Variants in SCAI observed in about 807,000 individuals in gnomAD.
SCAI encodes protein SCAI.
A neutral mutation model predicts 92.2 loss-of-function variants in SCAI; 24 were observed. The observed-to-expected ratio is 0.26, with a 90% confidence interval of 0.19 to 0.37. The LOEUF is 0.37. Among genes scored for constraint, SCAI ranks in the 10% least tolerant of loss-of-function variants. The probability of loss-of-function intolerance (pLI) is 1.00; values close to 1 mark genes in which losing one functional copy is unlikely to be tolerated. For missense variants in SCAI, 450 were observed against 736.2 expected, an observed-to-expected ratio of 0.61 and a Z score of 4.50; for synonymous variants, 261 against 258.6, an observed-to-expected ratio of 1.01 and a Z score of -0.09.
chr9:125,104,026 T>A (rs557099740), intron 2 of SCAI, among the ~76,000 whole-genome samples: 39 of 152,316 alleles, frequency 2.6e-4, no homozygotes, highest in African/African-American at 8.9e-4. Flanking sequence ...ATATCTAATT[T>A]TATGCTCCAT....
chr9:125,000,101 T>C, intron 12 of SCAI, 111 bp from the exon 13 acceptor site: 1 of 514,084 alleles, frequency 1.9e-6, no homozygotes, highest in Admixed American at 3.4e-5. Context: ...CGAAGATAAT[T>C]ACACATTTAA....
intron 2 of SCAI, among the ~76,000 whole-genome samples, chr9:125,090,329 C>T (rs535546698): frequency 1.3e-5 from 2 of 150,316 alleles, no homozygotes; most frequent in East Asian, 1.9e-4. Context: ...GAGAGGAAAA[C>T]GAGGGAGGAT....
rs1834109538 is a variant in SCAI at position 125,077,290 on chromosome 9, G to A, written c.99-21283C>T. 2.0e-5 allele frequency among the ~76,000 whole-genome samples: 3 copies of A among 152,282 alleles called. No individual in the cohort carries two copies. The South Asian group carries it at 6.2e-4, about 32-fold the overall frequency. Reference sequence around the variant, plus strand: ...TTTTTCTTTAAGCAGTAACTGATTGGTTATATTTGTTTTTCCTTGTAATAC... The same window carrying A: ...TTTTTCTTTAAGCAGTAACTGATTGATTATATTTGTTTTTCCTTGTAATAC... On this transcript the variant is annotated intron_variant, in intron 2 of 17. Coordinates refer to ENST00000336505, the MANE Select transcript of SCAI (RefSeq NM_001144877.3).
At position 125,106,112 on chromosome 9, in the gene SCAI, AAAAAAAAAAAATATATAT is replaced by A. The variant is rs1834776060; in HGVS notation, c.98+36503_98+36520del. On this transcript the variant is annotated intron_variant, in intron 2 of 17. Coordinates refer to ENST00000336505, the MANE Select transcript of SCAI (RefSeq NM_001144877.3). ...ACTCCATCTCAAAAAAAAAAAAAAA[AAAAAAAAAAAATATATAT>A]ATATATATATATATATATATATATA... Among the ~76,000 whole-genome samples the A allele has an allele frequency of 6.2e-5, 3 of 48,526 alleles. No individual in the cohort carries two copies. In the South Asian group the frequency reaches 2.4e-3, roughly 39 times the overall value. 31.8% of individuals were successfully genotyped at this position (48,526 alleles called of 152,430 possible).
chr9:124,948,138 A>G lies in SCAI; in HGVS notation c.*4669T>C, dbSNP rs1017603876. 6.6e-6 allele frequency: 1 copy of G among 152,364 alleles called. No individual in the cohort carries two copies. The highest frequency in any genetic ancestry group is 6.5e-5 in the Admixed American group (1 of 15,300). The allele number at this position is 152,364 out of a possible 1,614,324, so 9.4% of individuals were successfully genotyped here. Reference sequence around the variant, plus strand: ...CTTTTCCCATTATCCTGACTAAATCAGTATAATTACGACATAATCTGTTTC... The same window carrying G: ...CTTTTCCCATTATCCTGACTAAATCGGTATAATTACGACATAATCTGTTTC... On this transcript the variant is annotated 3_prime_UTR_variant, in exon 18 of 18. Coordinates refer to ENST00000336505, the MANE Select transcript of SCAI (RefSeq NM_001144877.3).
chr9:125,037,244 T>C (rs1283202682), intron 3 of SCAI, among the ~76,000 whole-genome samples: 3 of 149,844 alleles, frequency 2.0e-5, no homozygotes, highest in African/African-American at 7.4e-5. Context: ...ACTCCAGGCC[T>C]GGGCAACAAG....
chr9:124,955,667 AAAG>A (rs1423148606), intron 17 of SCAI, among the ~76,000 whole-genome samples: 1 of 152,042 alleles, frequency 6.6e-6, no homozygotes, highest in Non-Finnish European at 1.5e-5. Flanking sequence ...AGTGAAAAAA[AAAG>A]AAACAAACGG....
chr9:124,994,441 G>C (rs185462810), intron 14 of SCAI, among the ~76,000 whole-genome samples: 2 of 152,122 alleles, frequency 1.3e-5, no homozygotes, highest in African/African-American at 4.8e-5. Context: ...CAGCATTCAG[G>C]GCCATCTTTT....
At chr9:125,087,800 G>A (rs147221696) in intron 2 of SCAI, among the ~76,000 whole-genome samples, 17 of 152,242 alleles carry the variant, frequency 1.1e-4, no homozygotes, top group African/African-American at 3.9e-4. Context: ...TGTGATAATG[G>A]CTCAAAAAGA....
Position 125,115,296 on chromosome 9 carries a change from C to T in SCAI, c.98+27337G>A, listed in dbSNP as rs530002765. On this transcript the variant is annotated intron_variant, in intron 2 of 17. Transcript: ENST00000336505. ...CTGAGGCAGGAGAATGACATGAACT[C>T]GGGAGGCGGAGCTTGCAGTGAGCCC... Among the ~76,000 whole-genome samples, 12 of 134,010 alleles carry T rather than the reference C, an allele frequency of 9.0e-5. 1 individual carries two copies. The highest frequency in any genetic ancestry group is 2.8e-4 in the African/African-American group (10 of 35,310). The allele number at this position is 134,010 out of a possible 152,430, so 87.9% of individuals were successfully genotyped here.
chr9:125,116,797 C>A (rs984525932), intron 2 of SCAI, among the ~76,000 whole-genome samples: 6 of 152,018 alleles, frequency 3.9e-5, no homozygotes, highest in African/African-American at 1.4e-4. Flanking sequence ...TCATTGTTTT[C>A]TCTTGAAAAT....
At chr9:125,047,751 G>A (rs569320707) in intron 3 of SCAI, among the ~76,000 whole-genome samples, 1 of 152,270 alleles carries the variant, frequency 6.6e-6, no homozygotes, top group Admixed American at 6.5e-5. Flanking sequence ...TGAAATGTAT[G>A]TAAGTATAAA....
chr9:125,042,683 A>G (rs1240007557), intron 3 of SCAI, among the ~76,000 whole-genome samples: 1 of 149,562 alleles, frequency 6.7e-6, no homozygotes, highest in Non-Finnish European at 1.5e-5. Flanking sequence ...AAAAAGAAAC[A>G]TACATACAGG....
At chr9:125,119,974 G>A (rs1001779672) in intron 2 of SCAI, among the ~76,000 whole-genome samples, 2 of 152,186 alleles carry the variant, frequency 1.3e-5, no homozygotes, top group Non-Finnish European at 2.9e-5. Context: ...ACTCCAGAGA[G>A]AAAGTTAGAA....
chr9:124,954,673 A>C (rs898733297), intron 17 of SCAI, among the ~76,000 whole-genome samples: 35 of 152,152 alleles, frequency 2.3e-4, no homozygotes, highest in African/African-American at 8.4e-4. Context: ...TATATCCAGA[A>C]AGTTGTTTAA....
chr9:124,975,463 A>G, intron 15 of SCAI: 1 of 368,252 alleles, frequency 2.7e-6, no homozygotes, highest in Non-Finnish European at 5.6e-6. Context: ...TTAGTATTTT[A>G]CCTACTAAAT....
chr9:125,076,477 CCA>C (rs1436549498), intron 2 of SCAI, among the ~76,000 whole-genome samples: 1 of 151,972 alleles, frequency 6.6e-6, no homozygotes, highest in Admixed American at 6.6e-5. Context: ...CCAGCCTAGG[CCA>C]CAGAGGGAGT....
intron 3 of SCAI, among the ~76,000 whole-genome samples, chr9:125,031,544 C>T (rs1465345791): frequency 3.9e-5 from 6 of 152,118 alleles, no homozygotes; most frequent in African/African-American, 9.6e-5. Flanking sequence ...CCACCACGCC[C>T]GGCCACTTTT....
chr9:124,971,493 A>C (rs746845866), intron 16 of SCAI, 23 bp from the exon 17 acceptor site: 1 of 1,555,382 alleles, frequency 6.4e-7, no homozygotes, highest in Non-Finnish European at 8.8e-7. Context: ...GAAAAGTGAC[A>C]GTAAAAAGAT....
Sources: allele counts gnomAD v4.1 joint callset (sites outside exome capture counted in the v4.1 genomes callset), GRCh38; gene constraint gnomAD v4.1.1; transcripts MANE v1.5; gene names NCBI Gene and HGNC (gene_info 2026-07-23, HGNC 2026-07-21).